The following SPATA3 variants were observed in gnomAD, a reference collection of about 807,000 sequenced individuals.
SPATA3 encodes spermatogenesis associated 3.
In SPATA3, 6 loss-of-function variants were observed where a neutral mutation model predicts 5.7. The observed-to-expected ratio is 1.06, with a 90% CI of 0.58 to 2.09. The LOEUF is 2.09. Ranked by LOEUF, SPATA3 falls within the 30% of genes most tolerant of loss-of-function variation. The pLI, the probability that SPATA3 is intolerant of heterozygous loss-of-function variation, is 0.00. For missense variants in SPATA3, 155 were observed against 130.4 expected (o/e 1.19, Z -0.92); for synonymous variants, 44 against 48.4 (o/e 0.91, Z 0.37).
rs574790804 is a variant in SPATA3 at position 231,016,798 on chromosome 2, G to C, written c.*565+2586G>C. Among the ~76,000 whole-genome samples the C allele has an allele frequency of 7.2e-5, 11 of 152,250 alleles. 1 individual carries two copies. In the South Asian group the frequency reaches 2.3e-3, roughly 32 times the overall value. Reference sequence around the variant, plus strand: ...CCCTGGAGGCTTCCCCTGGAGGAGCGGGTGCCCTCTCCTCTCTCCTCTCAG... The same window carrying C: ...CCCTGGAGGCTTCCCCTGGAGGAGCCGGTGCCCTCTCCTCTCTCCTCTCAG... On this transcript the variant is annotated intron_variant, in intron 6 of 8. Coordinates refer to the SPATA3 transcript ENST00000452881.
chr2:231,002,644 C>A, intron 2 of SPATA3, 40 bp from the exon 3 acceptor site: 1 of 1,335,536 alleles, frequency 7.5e-7, no homozygotes, highest in Non-Finnish European at 1.0e-6. Flanking sequence ...GGCACTGAAG[C>A]CCAGCTTCCC....
intron 2 of SPATA3, 45 bp downstream of exon 2, chr2:231,000,582 G>A (rs2125097755): frequency 1.4e-6 from 2 of 1,440,820 alleles, no homozygotes; most frequent in Non-Finnish European, 1.8e-6. Context: ...ACAGTCCCCA[G>A]GGCCAGGCTC....
chr2:231,002,062 C>A (rs1692372843), intron 2 of SPATA3, among the ~76,000 whole-genome samples: 1 of 152,204 alleles, frequency 6.6e-6, no homozygotes, highest in South Asian at 2.1e-4. Context: ...GGGTCCATAT[C>A]TGGCCAGGGC....
chr2:231,005,085 C>CCGT (rs1692505879), downstream of SPATA3, among the ~76,000 whole-genome samples: 1 of 105,454 alleles, frequency 9.5e-6, no homozygotes, highest in African/African-American at 3.7e-5. Context: ...ACCATCATCA[C>CCGT]CATCACCATC....
At chr2:231,002,771 C>G in exon 3 of SPATA3, 1 of 1,518,380 alleles carries the variant, frequency 6.6e-7, no homozygotes, top group Non-Finnish European at 8.8e-7. Flanking sequence ...GCTCTAGGAG[C>G]TGCCTACTAC....
intron 2 of SPATA3, among the ~76,000 whole-genome samples, chr2:231,002,214 A>T (rs973034983): frequency 1.1e-4 from 16 of 152,196 alleles, no homozygotes; most frequent in Non-Finnish European, 1.9e-4. Flanking sequence ...CAAAACGGGT[A>T]TTGCATTTTT....
At chr2:231,007,580 C>G (rs13387579), downstream of SPATA3, among the ~76,000 whole-genome samples, 54,562 of 152,176 alleles carry the variant, frequency 0.36, 10,002 homozygotes, top group South Asian at 0.46. Context: ...ATCCCAGTTA[C>G]TGGGAATAGG....
At chr2:231,017,790 G>A (rs1038383272) in intron 6 of SPATA3, among the ~76,000 whole-genome samples, 2 of 152,184 alleles carry the variant, frequency 1.3e-5, no homozygotes, top group African/African-American at 4.8e-5. Context: ...TTTTGAATCT[G>A]TAGTAGAAAT....
intron 2 of SPATA3, among the ~76,000 whole-genome samples, 165 bp downstream of exon 2, chr2:231,000,702 G>T (rs1692319705): frequency 6.6e-6 from 1 of 152,152 alleles, no homozygotes. Context: ...ACGTTGGCAG[G>T]CAGGGCCCTT....
chr2:230,996,968 G>A (rs1316380407), intron 1 of SPATA3, among the ~76,000 whole-genome samples: 1 of 152,230 alleles, frequency 6.6e-6, no homozygotes, highest in Non-Finnish European at 1.5e-5. Flanking sequence ...AAGGAAGATA[G>A]TCTGGGTTGA....
chr2:231,016,890 C>G (rs1160831626), intron 6 of SPATA3, among the ~76,000 whole-genome samples: 3 of 152,196 alleles, frequency 2.0e-5, no homozygotes, highest in African/African-American at 7.2e-5. Context: ...CTCTCAATAG[C>G]TTTCCCATTC....
At chr2:230,996,319 A>G in intron 1 of SPATA3, 1 of 346,118 alleles carries the variant, frequency 2.9e-6, no homozygotes, top group Middle Eastern at 5.2e-4. Flanking sequence ...TCCACCTCTC[A>G]GCAGCCTAGC....
At chr2:230,996,236 G>C in intron 1 of SPATA3, 1 of 1,550,284 alleles carries the variant, frequency 6.5e-7, no homozygotes, top group Non-Finnish European at 8.7e-7. Context: ...GATCTACCAT[G>C]AAGAAGGTCA....
exon 2 of SPATA3, chr2:231,000,412 C>G: frequency 6.5e-7 from 1 of 1,542,354 alleles, no homozygotes. Flanking sequence ...GTGCCACTTG[C>G]CCCTGCAGCT....
At chr2:230,998,158 G>A (rs1202792064) in intron 1 of SPATA3, among the ~76,000 whole-genome samples, 1 of 152,182 alleles carries the variant, frequency 6.6e-6, no homozygotes, top group Non-Finnish European at 1.5e-5. Flanking sequence ...GCCTTGAACA[G>A]GCCACACTCC....
intron 1 of SPATA3, among the ~76,000 whole-genome samples, chr2:230,998,951 G>C (rs79573967): frequency 0.059 from 8,915 of 152,212 alleles, 577 homozygotes; most frequent in Middle Eastern, 0.16. Context: ...GCTCAAAGCA[G>C]CAGCATTTGT....
At chr2:231,001,474 C>T (rs1692350394) in intron 2 of SPATA3, among the ~76,000 whole-genome samples, 1 of 152,056 alleles carries the variant, frequency 6.6e-6, no homozygotes, top group African/African-American at 2.4e-5. Context: ...AGCTGAAAAA[C>T]TCCATCTCTC....
At chr2:230,996,356 TCCTGAATCCACACCACAGCAGCCTAGC>T in intron 1 of SPATA3, 3 of 571,920 alleles carry the variant, frequency 5.2e-6, no homozygotes, top group Middle Eastern at 3.6e-4. Context: ...AGCAGCCTAG[TCCTGAATCCACACCACAGCAGCCTAGC>T]CCTGAATCCA....
intron 1 of SPATA3, 121 bp from the exon 2 acceptor site, chr2:231,000,245 G>A (rs1291883638): frequency 1.5e-5 from 14 of 926,756 alleles, no homozygotes; most frequent in South Asian, 4.5e-5. Flanking sequence ...TCCAGCGTTC[G>A]CCCTGGTAAT....
Sources: gnomAD v4.1 joint callset for allele counts (sites outside exome capture counted in the v4.1 genomes callset) on GRCh38, gnomAD v4.1.1 for gene constraint, MANE v1.5 for transcripts, NCBI Gene and HGNC (gene_info 2026-07-23, HGNC 2026-07-21) for gene names.